PRKACA: variants seen among roughly 807,000 people sequenced by gnomAD.
PRKACA encodes the protein protein kinase cAMP-activated catalytic subunit alpha, also known as cAMP-dependent protein kinase catalytic subunit alpha.
Under a neutral mutation model 45.8 loss-of-function variants are expected in PRKACA, and 9 were observed. The observed-to-expected ratio is 0.20, with a 90% CI of 0.12 to 0.34. PRKACA has a LOEUF of 0.34. Ranked by LOEUF, PRKACA falls within the 10% of genes least tolerant of loss-of-function variation. The pLI, the probability that PRKACA is intolerant of heterozygous loss-of-function variation, is 1.00. For missense variants in PRKACA, 238 were observed against 458.6 expected (o/e 0.52, Z 4.39); for synonymous variants, 160 against 178.6 (o/e 0.90, Z 0.83).
intron 8 of PRKACA, among the ~76,000 whole-genome samples, 174 bp from the exon 9 acceptor site, chr19:14,093,966 G>A (rs769145051): frequency 2.6e-5 from 4 of 152,140 alleles, no homozygotes; most frequent in Non-Finnish European, 5.9e-5. Flanking sequence ...AATTTAGGAA[G>A]TCTGATACTG....
chr19:14,106,452 G>A (rs1037793968), intron 3 of PRKACA, among the ~76,000 whole-genome samples: 1 of 152,120 alleles, frequency 6.6e-6, no homozygotes, highest in African/African-American at 2.4e-5. Context: ...TCAGGAATTC[G>A]AAACCATCCT....
intron 8 of PRKACA, chr19:14,096,878 G>A: frequency 3.8e-6 from 1 of 263,014 alleles, no homozygotes; most frequent in South Asian, 4.1e-5. Flanking sequence ...GAGCTGAGAT[G>A]GCTTCACCAC....
chr19:14,116,833 GAC>G (rs1239211249), intron 1 of PRKACA, among the ~76,000 whole-genome samples: 1 of 151,988 alleles, frequency 6.6e-6, no homozygotes, highest in Non-Finnish European at 1.5e-5. Context: ...GCAGCAGAAT[GAC>G]AGAGTGACAG....
intron 1 of PRKACA, among the ~76,000 whole-genome samples, chr19:14,113,424 C>G (rs1967027624): frequency 6.6e-6 from 1 of 152,228 alleles, no homozygotes; most frequent in African/African-American, 2.4e-5. Flanking sequence ...AGCTCTCACT[C>G]TGGTCCAGAT....
chr19:14,093,255 A>G lies in PRKACA; in HGVS notation c.931-18T>C. On this transcript the variant is annotated intron_variant, in intron 9 of 9. Transcript: ENST00000308677. The stretch of plus-strand genomic sequence containing the variant: ...GCTTCCACCTGGAGAGGGATCAAGA[A>G]TCACCCAGACCTCAGCATTCAACAT... 6.2e-7 allele frequency: 1 copy of G among 1,609,758 alleles called. No individual in the cohort carries two copies. The highest frequency in any genetic ancestry group is 8.5e-7 in the Non-Finnish European group (1 of 1,178,518).
chr19:14,098,489 T>TATA (rs904229001), intron 5 of PRKACA: 8 of 140,448 alleles, frequency 5.7e-5, no homozygotes, highest in Non-Finnish European at 1.2e-4. Flanking sequence ...TATATATATA[T>TATA]TTTTTTTTGA....
chr19:14,107,528 CT>C (rs1183385519), intron 1 of PRKACA, 119 bp from the exon 2 acceptor site: 3 of 1,354,308 alleles, frequency 2.2e-6, no homozygotes, highest in East Asian at 4.7e-5. Context: ...AGAGCCTGAC[CT>C]TTTTCTGGTG....
At chr19:14,098,023 T>TAA in intron 5 of PRKACA, 133 bp from the exon 6 acceptor site, 1 of 1,150,074 alleles carries the variant, frequency 8.7e-7, no homozygotes, top group Non-Finnish European at 1.2e-6. Flanking sequence ...ACCTGATTCT[T>TAA]AGATAGCCCG....
chr19:14,114,277 G>A lies in PRKACA; in HGVS notation c.46+3225C>T, dbSNP rs1242597380. On this transcript the variant is annotated intron_variant, in intron 1 of 9. Coordinates refer to ENST00000308677, the MANE Select transcript of PRKACA (RefSeq NM_002730.4). ...CTGCAGGGGGAGCTAGGGAGCCGTG[G>A]GGTGGGAGCAGGAAGAGAAACCCAA... The A allele has an allele frequency of 1.6e-5, 22 of 1,400,646 alleles. 1 individual carries two copies. Among genetic ancestry groups the A allele is most frequent in the Middle Eastern group, 2.1e-4 (1 of 4,824 alleles). The allele number at this position is 1,400,646 out of a possible 1,614,324, so 86.8% of individuals were successfully genotyped here. A position where few individuals can be genotyped will look rare whatever the true frequency, so the allele number is the denominator to read the frequency against.
rs1188333013 is a variant in PRKACA, at chr19:14,109,965, A to AATATATAT, written c.47-2564_47-2557dup. On this transcript the variant is annotated intron_variant, in intron 1 of 9. Transcript: ENST00000308677. ...AAAAAAAAAAAAAAAAAAAAAAAAA[A>AATATATAT]ATATATATATATATATATATATATA... 8.0e-3 allele frequency among the ~76,000 whole-genome samples: 190 copies of AATATATAT among 23,748 alleles called. 5 individuals are homozygous for AATATATAT. Among genetic ancestry groups the AATATATAT allele is most frequent in the Non-Finnish European group, 0.012 (140 of 11,580 alleles). The allele number at this position is 23,748 out of a possible 152,430, so 15.6% of individuals were successfully genotyped here.
chr19:14,106,568 C>T (rs1337287190), intron 3 of PRKACA, among the ~76,000 whole-genome samples, 192 bp downstream of exon 3: 3 of 152,096 alleles, frequency 2.0e-5, no homozygotes, highest in African/African-American at 4.8e-5. Context: ...GCAGGAGAAT[C>T]GCTTGAACTA....
At chr19:14,096,396 C>A (rs1568529283) in intron 8 of PRKACA, 2 of 151,080 alleles carry the variant, frequency 1.3e-5, no homozygotes, top group Admixed American at 6.6e-5. Flanking sequence ...CTATGTTGCC[C>A]AGGCTGGTCT....
At chr19:14,106,632 C>G (rs937939442) in intron 3 of PRKACA, 128 bp downstream of exon 3, 53 of 1,326,904 alleles carry the variant, frequency 4.0e-5, no homozygotes, top group Non-Finnish European at 1.6e-5. Context: ...CCAGCCTGAG[C>G]GACAGAGCGA....
At chr19:14,114,161 A>G (rs760423325) in intron 1 of PRKACA, 11 of 1,611,320 alleles carry the variant, frequency 6.8e-6, no homozygotes, top group African/African-American at 1.3e-5. Flanking sequence ...GCCATCACTC[A>G]GTCCTGTTCT....
At chr19:14,105,653 C>T (rs1977580831) in intron 3 of PRKACA, among the ~76,000 whole-genome samples, 1 of 152,026 alleles carries the variant, frequency 6.6e-6, no homozygotes, top group Admixed American at 6.6e-5. Context: ...GTTGTCGAGG[C>T]TGGAGTTGAA....
rs970961518 is a variant in PRKACA, at chr19:14,107,495, A to C, written c.47-86T>G. The C allele has an allele frequency of 1.9e-5, 28 of 1,488,070 alleles. 1 individual carries two copies. Among genetic ancestry groups the C allele is most frequent in the South Asian group, 1.4e-4 (12 of 85,486 alleles). The allele number at this position is 1,488,070 out of a possible 1,614,324, so 92.2% of individuals were successfully genotyped here. On this transcript the variant is annotated intron_variant, in intron 1 of 9. Transcript: ENST00000308677. ...TGATTTCTGGGGAGATACTTGGTGG[A>C]AAGTGGGGTGCAGTTCCAACCCAGA... is the stretch of plus-strand genomic sequence containing the variant.
At chr19:14,106,960 C>A in intron 2 of PRKACA, 72 bp from the exon 3 acceptor site, 3 of 1,575,840 alleles carry the variant, frequency 1.9e-6, no homozygotes, top group South Asian at 2.3e-5. Flanking sequence ...TCTGGGGCAT[C>A]CCCTCTGCCA....
chr19:14,094,522 A>G (rs972866752), intron 8 of PRKACA, among the ~76,000 whole-genome samples: 2 of 152,314 alleles, frequency 1.3e-5, no homozygotes, highest in Non-Finnish European at 2.9e-5. Flanking sequence ...TTCCCCAGCA[A>G]TGGTGCTGCT....
At chr19:14,098,006 G>A (rs1977314861) in intron 5 of PRKACA, 116 bp from the exon 6 acceptor site, 9 of 1,341,830 alleles carry the variant, frequency 6.7e-6, no homozygotes, top group African/African-American at 2.9e-5. Flanking sequence ...CGTCAGAAAC[G>A]CAAGGCACCT....
Sources: gnomAD v4.1 joint callset for allele counts (sites outside exome capture counted in the v4.1 genomes callset) on GRCh38, gnomAD v4.1.1 for gene constraint, MANE v1.5 for transcripts, NCBI Gene and HGNC (gene_info 2026-07-23, HGNC 2026-07-21) for gene names.